Variants in DYNC2H1 observed in about 807,000 individuals in gnomAD.
DYNC2H1 encodes cytoplasmic dynein 2 heavy chain 1.
In DYNC2H1, 410 loss-of-function variants were observed where a neutral mutation model predicts 570.0. The ratio of observed to expected loss-of-function variants is 0.72; its 90% confidence interval spans 0.66 to 0.78. The LOEUF is 0.78. Ranked by LOEUF, DYNC2H1 falls within the 30% of genes least tolerant of loss-of-function variation. DYNC2H1 has a pLI of 0.00. For missense variants in DYNC2H1, 4,865 were observed against 5,046.4 expected, an observed-to-expected ratio of 0.96 and a Z score of 1.09; for synonymous variants, 1,688 against 1,677.6, an observed-to-expected ratio of 1.01 and a Z score of -0.15.
chr11:103,321,315 C>G, intron 81 of DYNC2H1, 78 bp downstream of exon 81: 1 of 1,222,808 alleles, frequency 8.2e-7, no homozygotes, highest in Non-Finnish European at 1.2e-6. Flanking sequence ...ATACATGTTA[C>G]TTCTTTTCAA....
At chr11:103,225,061 G>A (rs1319072565) in intron 59 of DYNC2H1, among the ~76,000 whole-genome samples, 1 of 152,028 alleles carries the variant, frequency 6.6e-6, no homozygotes, top group African/African-American at 2.4e-5. Context: ...TTTGAGAATT[G>A]TCTATTCATG....
chr11:103,143,414 G>A lies in DYNC2H1; in HGVS notation c.2702+19G>A, dbSNP rs773983993. 2 of 1,573,626 alleles carry A rather than the reference G, an allele frequency of 1.3e-6. No individual in the cohort carries two copies. The highest frequency in any genetic ancestry group is 1.4e-5 in the African/African-American group (1 of 73,040). On this transcript the variant is annotated intron_variant, in intron 18 of 88. Transcript: ENST00000375735. Reference sequence around the variant, plus strand: ...TTCCAAGGTATTGGAGGTTAATGTAGTACTTACGTACCATAATAATTTTTT... The same window carrying A: ...TTCCAAGGTATTGGAGGTTAATGTAATACTTACGTACCATAATAATTTTTT...
chr11:103,236,405 A>G, intron 62 of DYNC2H1, 25 bp from the exon 63 acceptor site: 1 of 1,271,246 alleles, frequency 7.9e-7, no homozygotes, highest in Non-Finnish European at 1.2e-6. Context: ...GTTGTGAAGT[A>G]TTATCAATAT....
chr11:103,225,907 T>A (rs1863782816), intron 59 of DYNC2H1, among the ~76,000 whole-genome samples: 1 of 152,086 alleles, frequency 6.6e-6, no homozygotes, highest in African/African-American at 2.4e-5. Flanking sequence ...TCCATTTGTT[T>A]GTATCATTTG....
intron 82 of DYNC2H1, among the ~76,000 whole-genome samples, chr11:103,345,104 A>G (rs1939675170): frequency 6.6e-6 from 1 of 152,234 alleles, no homozygotes; most frequent in Admixed American, 6.5e-5. Flanking sequence ...ATTATAAAGC[A>G]GTGTTGCAAG....
chr11:103,171,270 T>TG (rs888163840), intron 34 of DYNC2H1, among the ~76,000 whole-genome samples: 7 of 151,930 alleles, frequency 4.6e-5, no homozygotes, highest in African/African-American at 1.5e-4. Flanking sequence ...TCTTTTTTTT[T>TG]GGGGGACAGA....
At chr11:103,113,999 T>A in intron 2 of DYNC2H1, 104 bp from the exon 3 acceptor site, 1 of 1,318,784 alleles carries the variant, frequency 7.6e-7, no homozygotes, top group Non-Finnish European at 1.0e-6. Flanking sequence ...GTGGAGGTAG[T>A]GGCAGGCTTT....
chr11:103,147,455 CAA>C (rs1860293983), intron 18 of DYNC2H1, among the ~76,000 whole-genome samples: 1 of 151,978 alleles, frequency 6.6e-6, no homozygotes, highest in African/African-American at 2.4e-5. Flanking sequence ...CATGCTGTGA[CAA>C]GAGAAGCTCA....
At chr11:103,456,658 A>G (rs990678970) in intron 87 of DYNC2H1, among the ~76,000 whole-genome samples, 14 of 152,146 alleles carry the variant, frequency 9.2e-5, no homozygotes, top group East Asian at 5.8e-4. Flanking sequence ...ATTGAACCTA[A>G]TATTTACTGT....
intron 50 of DYNC2H1, among the ~76,000 whole-genome samples, chr11:103,200,927 A>G (rs1180914650): frequency 6.6e-6 from 1 of 152,078 alleles, no homozygotes; most frequent in Admixed American, 6.6e-5. Flanking sequence ...CCCAGGTTCA[A>G]GTGATTCTCC....
At chr11:103,212,813 G>A (rs2135125118) in intron 54 of DYNC2H1, among the ~76,000 whole-genome samples, 1 of 152,096 alleles carries the variant, frequency 6.6e-6, no homozygotes, top group Admixed American at 6.5e-5. Flanking sequence ...ACGGGCTTTG[G>A]GGAGGGTTAA....
At position 103,223,016 on chromosome 11, in the gene DYNC2H1, G is replaced by A. The variant is rs766584395; in HGVS notation, c.9283G>A (p.Ala3095Thr). Residue 3095 changes from alanine (A) to threonine (T), a missense_variant, in exon 59 of 89, where the codon GCC becomes ACC. This residue lies in a region of DYNC2H1 where 2,401 missense variants were observed against 2,454.6 expected (regional missense o/e 0.98). Coordinates refer to ENST00000375735, the MANE Select transcript of DYNC2H1 (RefSeq NM_001377.3). ...AAAPLAAWVK[A>T]NIQYSHVLER... is the part of the protein sequence containing the mutation. Reference sequence around the variant, plus strand: ...TGCACCTTTGGCTGCCTGGGTGAAAGCCAATATTCAGTATTCCCATGTCTT... The same window carrying A: ...TGCACCTTTGGCTGCCTGGGTGAAAACCAATATTCAGTATTCCCATGTCTT... 6.2e-6 allele frequency: 10 copies of A among 1,613,288 alleles called. No homozygotes were observed. In the African/African-American group the frequency reaches 1.1e-4, roughly 17 times the overall value.
chr11:103,241,507 T>A lies in DYNC2H1; in HGVS notation c.9820-2186T>A. The A allele has an allele frequency of 6.3e-7, 1 of 1,592,212 alleles. No individual in the cohort carries two copies. Among genetic ancestry groups the A allele is most frequent in the Non-Finnish European group, 8.6e-7 (1 of 1,163,780 alleles). On this transcript the variant is annotated intron_variant, in intron 63 of 88. Transcript: ENST00000375735. This position sits in a 1 kb window ranked among gnomAD's most constrained non-coding sequence, Gnocchi z 5.1. ...ACATTTTGAAATGTTACCTTTCTTC[T>A]TTTCATTTAACTGCATCAGATCATT...
At chr11:103,281,404 T>C (rs1866126224) in intron 71 of DYNC2H1, among the ~76,000 whole-genome samples, 1 of 152,016 alleles carries the variant, frequency 6.6e-6, no homozygotes, top group African/African-American at 2.4e-5. Context: ...CAAATTGTCA[T>C]TGGGAAAGGA....
At chr11:103,440,499 T>C (rs906958205) in intron 85 of DYNC2H1, among the ~76,000 whole-genome samples, 1 of 152,208 alleles carries the variant, frequency 6.6e-6, no homozygotes, top group African/African-American at 2.4e-5. Context: ...TTCATTCTTA[T>C]GACAGAATTT....
intron 18 of DYNC2H1, 33 bp downstream of exon 18, chr11:103,143,428 T>C (rs1280852044): frequency 1.9e-6 from 3 of 1,551,772 alleles, no homozygotes; most frequent in Non-Finnish European, 2.6e-6. Flanking sequence ...TTACGTACCA[T>C]AATAATTTTT....
In DYNC2H1 at chr11:103,397,362, T is replaced by TA. The variant is rs1942442920; in HGVS notation, c.12157-2300dup. 2.0e-5 allele frequency among the ~76,000 whole-genome samples: 3 copies of TA among 152,178 alleles called. No individual in the cohort carries two copies. The South Asian group carries it at 6.2e-4, about 32-fold the overall frequency. On this transcript the variant is annotated intron_variant, in intron 83 of 88. Transcript: ENST00000375735. ...GAGTAAACATATGGCTGTCAGTTGC[T>TA]AGTTTCATCAAAAAGCATACTGCAT... is the stretch of plus-strand genomic sequence containing the variant.
At position 103,186,193 on chromosome 11, in the gene DYNC2H1, C is replaced by G; in HGVS notation, c.6634-49C>G. 1.3e-6 allele frequency: 2 copies of G among 1,537,952 alleles called. No homozygotes were observed. The highest frequency in any genetic ancestry group is 1.8e-6 in the Non-Finnish European group (2 of 1,137,028). On this transcript the variant is annotated intron_variant, in intron 41 of 88. Coordinates refer to ENST00000375735, the MANE Select transcript of DYNC2H1 (RefSeq NM_001377.3). The surrounding 1 kb of genome is among the most constrained non-coding windows in gnomAD (Gnocchi z 4.5). Reference sequence around the variant, plus strand: ...TTTACTTGGAAGAATTTTAAAATGTCACACACTCTGGAGTATGTGAAAACT... The same window carrying G: ...TTTACTTGGAAGAATTTTAAAATGTGACACACTCTGGAGTATGTGAAAACT...
chr11:103,163,827 G>GA lies in DYNC2H1; in HGVS notation c.4611+685dup, dbSNP rs939810113. 6.6e-6 allele frequency among the ~76,000 whole-genome samples: 1 copy of GA among 152,018 alleles called. No individual in the cohort carries two copies. Among genetic ancestry groups the GA allele is most frequent in the Non-Finnish European group, 1.5e-5 (1 of 67,996 alleles). On this transcript the variant is annotated intron_variant, in intron 30 of 88. Coordinates refer to ENST00000375735, the MANE Select transcript of DYNC2H1 (RefSeq NM_001377.3). The surrounding 1 kb of genome is among the most constrained non-coding windows in gnomAD (Gnocchi z 4.6). ...TTGGGATGTTTCATGATTTCTTACA[G>GA]AAAAATCTACCCAGCAGCTCTCAAA...
Sources: allele counts gnomAD v4.1 joint callset (sites outside exome capture counted in the v4.1 genomes callset), GRCh38; gene constraint gnomAD v4.1.1; regional missense constraint gnomAD v4.1.1; non-coding constraint Gnocchi (gnomAD v3.1); transcripts MANE v1.5; gene names NCBI Gene and HGNC (gene_info 2026-07-23, HGNC 2026-07-21).